The following FRAS1 variants were observed in gnomAD, a reference collection of about 807,000 sequenced individuals.
FRAS1 encodes the protein Fraser extracellular matrix complex subunit 1.
In FRAS1, 290 loss-of-function variants were observed where a neutral mutation model predicts 435.2. The ratio of observed to expected loss-of-function variants is 0.67; its 90% CI spans 0.61 to 0.73. The LOEUF (loss-of-function observed/expected upper bound fraction) is 0.73, where lower values mean the gene tolerates loss of function less well. Among genes scored for constraint, FRAS1 ranks in the 30% least tolerant of loss-of-function variants. The pLI, the probability that FRAS1 is intolerant of heterozygous loss-of-function variation, is 0.00. For missense variants in FRAS1, 4,860 were observed against 5,001.5 expected, an observed-to-expected ratio of 0.97 and a Z score of 0.85; for synonymous variants, 1,800 against 1,851.0, an observed-to-expected ratio of 0.97 and a Z score of 0.71.
intron 56 of FRAS1, 83 bp downstream of exon 56, chr4:78,479,801 C>A: frequency 1.8e-6 from 2 of 1,096,738 alleles, no homozygotes; most frequent in Non-Finnish European, 1.3e-6. Context: ...TTCAGAATAT[C>A]CGGGAGACAT....
At chr4:78,076,846 G>A (rs2109868404) in intron 2 of FRAS1, among the ~76,000 whole-genome samples, 1 of 152,266 alleles carries the variant, frequency 6.6e-6, no homozygotes, top group Admixed American at 6.5e-5. Flanking sequence ...GAATCAAACT[G>A]TTGAAGAGAA....
intron 35 of FRAS1, among the ~76,000 whole-genome samples, chr4:78,424,694 C>T (rs1306495642): frequency 6.6e-6 from 1 of 151,992 alleles, no homozygotes; most frequent in African/African-American, 2.4e-5. Context: ...TGTAGTCCAG[C>T]ACTTTGGAAG....
chr4:78,184,556 T>A (rs1470560012), intron 2 of FRAS1, among the ~76,000 whole-genome samples: 1 of 152,208 alleles, frequency 6.6e-6, no homozygotes, highest in Non-Finnish European at 1.5e-5. Context: ...GGTACTTAAC[T>A]GCAAATATCA....
intron 73 of FRAS1, 85 bp from the exon 74 acceptor site, chr4:78,540,446 C>G: frequency 1.3e-6 from 1 of 775,190 alleles, no homozygotes; most frequent in South Asian, 3.0e-5. Flanking sequence ...TCTATCAAGG[C>G]ATATAGTGGC....
At chr4:78,129,187 G>T (rs556895607) in intron 2 of FRAS1, among the ~76,000 whole-genome samples, 1 of 152,190 alleles carries the variant, frequency 6.6e-6, no homozygotes, top group Non-Finnish European at 1.5e-5. Flanking sequence ...GTCAGGTAGC[G>T]TGATGCCTCC....
chr4:78,357,728 T>C (rs543240062), intron 20 of FRAS1, among the ~76,000 whole-genome samples: 12 of 152,102 alleles, frequency 7.9e-5, no homozygotes, highest in Admixed American at 3.3e-4. Flanking sequence ...ATAGTGAGAC[T>C]CCTGTCTGTA....
At position 78,098,579 on chromosome 4, in the gene FRAS1, A is replaced by G. The variant is rs544594497; in HGVS notation, c.108+32563A>G. On this transcript the variant is annotated intron_variant, in intron 2 of 73. Transcript: ENST00000512123. ...CGTGAACCACCGCTCCTGGCAGGAT[A>G]GATCTTGATTCTCTTCAAGGCACCA... Among the ~76,000 whole-genome samples the G allele has an allele frequency of 1.8e-4, 27 of 152,188 alleles. 1 individual carries two copies. The South Asian group carries it at 5.6e-3, about 32-fold the overall frequency.
intron 65 of FRAS1, among the ~76,000 whole-genome samples, chr4:78,515,359 G>T (rs369782595): frequency 2.3e-5 from 3 of 131,008 alleles, no homozygotes; most frequent in Non-Finnish European, 5.0e-5. Flanking sequence ...TCTCAAAAAA[G>T]AAATTTTAAA....
At chr4:78,254,804 CAT>C (rs1725711536) in intron 5 of FRAS1, among the ~76,000 whole-genome samples, 1 of 152,054 alleles carries the variant, frequency 6.6e-6, no homozygotes, top group African/African-American at 2.4e-5. Context: ...TCATATTTGG[CAT>C]GTTTTTTAGT....
chr4:78,435,007 G>T (rs1312798194), intron 38 of FRAS1, among the ~76,000 whole-genome samples: 1 of 151,962 alleles, frequency 6.6e-6, no homozygotes, highest in Non-Finnish European at 1.5e-5. Flanking sequence ...AAAGCCTAAT[G>T]GACTTTTTAT....
chr4:78,441,385 G>A lies in FRAS1; in HGVS notation c.5665+88G>A, dbSNP rs72869930. ...TTGCTTCCAGCTAAAGATGGAGATGGAGAACTACAGAGGAGGGGAACCATT... is the reference window on the plus strand; with the variant it reads ...TTGCTTCCAGCTAAAGATGGAGATGAAGAACTACAGAGGAGGGGAACCATT... On this transcript the variant is annotated intron_variant, in intron 41 of 73. Coordinates refer to ENST00000512123, the MANE Select transcript of FRAS1 (RefSeq NM_025074.7). 293 of 1,213,548 alleles carry A rather than the reference G, an allele frequency of 2.4e-4. No individual in the cohort carries two copies. In the African/African-American group the frequency reaches 3.8e-3, roughly 16 times the overall value. 75.2% of individuals were successfully genotyped at this position (1,213,548 alleles called of 1,614,324 possible).
At chr4:78,162,750 C>CAGG (rs746811049) in intron 2 of FRAS1, among the ~76,000 whole-genome samples, 10 of 152,156 alleles carry the variant, frequency 6.6e-5, no homozygotes, top group Non-Finnish European at 1.2e-4. Flanking sequence ...GGCTGTAAGG[C>CAGG]AGGAGTGTCT....
At chr4:78,397,972 T>C (rs76609260) in intron 29 of FRAS1, among the ~76,000 whole-genome samples, 1 of 151,970 alleles carries the variant, frequency 6.6e-6, no homozygotes, top group East Asian at 1.9e-4. Context: ...ATTTTTTTTT[T>C]CTTTTACTCC....
intron 55 of FRAS1, among the ~76,000 whole-genome samples, chr4:78,478,880 C>T (rs1719929218): frequency 6.6e-6 from 1 of 152,118 alleles, no homozygotes; most frequent in South Asian, 2.1e-4. Flanking sequence ...AAGTGGCAGC[C>T]CTAATAAGTA....
chr4:78,301,568 C>T (rs187335600), intron 14 of FRAS1, among the ~76,000 whole-genome samples: 84 of 152,220 alleles, frequency 5.5e-4, no homozygotes, highest in African/African-American at 1.8e-3. Context: ...GGACTGGGTC[C>T]TCAGAAGGTT....
At chr4:78,228,576 A>G (rs1366407861) in intron 2 of FRAS1, among the ~76,000 whole-genome samples, 2 of 152,152 alleles carry the variant, frequency 1.3e-5, no homozygotes, top group Non-Finnish European at 2.9e-5. Context: ...TTGTGTGTGT[A>G]TGTGTGTGTA....
chr4:78,072,847 A>C (rs1740427189), intron 2 of FRAS1, among the ~76,000 whole-genome samples: 1 of 152,112 alleles, frequency 6.6e-6, no homozygotes, highest in Admixed American at 6.6e-5. Flanking sequence ...TGTTGTCATA[A>C]ATTTAGCAAG....
At chr4:78,416,106 A>G (rs1267286442) in intron 32 of FRAS1, among the ~76,000 whole-genome samples, 1 of 152,244 alleles carries the variant, frequency 6.6e-6, no homozygotes, top group Non-Finnish European at 1.5e-5. Flanking sequence ...ATATTATTCA[A>G]CCTTACAAAA....
chr4:78,164,268 T>C (rs1295775570), intron 2 of FRAS1, among the ~76,000 whole-genome samples: 1 of 152,132 alleles, frequency 6.6e-6, no homozygotes, highest in Non-Finnish European at 1.5e-5. Flanking sequence ...ATGCGATGCT[T>C]GGACCTCTGT....
Sources: gnomAD v4.1 joint callset for allele counts (sites outside exome capture counted in the v4.1 genomes callset) on GRCh38, gnomAD v4.1.1 for gene constraint, MANE v1.5 for transcripts, NCBI Gene and HGNC (gene_info 2026-07-23, HGNC 2026-07-21) for gene names.